Variants in ANGPT2 observed in about 807,000 individuals in gnomAD.
The protein encoded by ANGPT2 is angiopoietin-2.
Under a neutral mutation model 62.9 loss-of-function variants are expected in ANGPT2, and 28 were observed. The observed-to-expected ratio is 0.44, with a 90% CI of 0.33 to 0.61. ANGPT2 has a LOEUF of 0.61. Among genes scored for constraint, ANGPT2 ranks in the 20% least tolerant of loss-of-function variants. ANGPT2 has a pLI of 0.03. For missense variants in ANGPT2, 727 were observed against 594.9 expected (o/e 1.22, Z -2.31); for synonymous variants, 284 against 207.8 (o/e 1.37, Z -3.15).
chr8:6,559,390 C>T (rs903290934), intron 1 of ANGPT2, among the ~76,000 whole-genome samples: 1 of 152,092 alleles, frequency 6.6e-6, no homozygotes, highest in African/African-American at 2.4e-5. Context: ...TGCATTCATT[C>T]GTGAGTAGTA....
At chr8:6,510,659 A>T (rs1250082115) in intron 7 of ANGPT2, among the ~76,000 whole-genome samples, 3 of 152,190 alleles carry the variant, frequency 2.0e-5, no homozygotes, top group Non-Finnish European at 4.4e-5. Context: ...CTCTTAAGTC[A>T]TGGAGGTAGG....
intron 1 of ANGPT2, among the ~76,000 whole-genome samples, chr8:6,555,307 TC>T (rs1296282235): frequency 5.3e-5 from 8 of 152,214 alleles, no homozygotes; most frequent in African/African-American, 1.9e-4. Flanking sequence ...AGGCTGAATT[TC>T]GTCGTCCTGC....
In ANGPT2 at chr8:6,504,891, T is replaced by G. The variant is rs1269273025; in HGVS notation, c.1328-1630A>C. Among the ~76,000 whole-genome samples, 5 of 152,026 alleles carry G rather than the reference T, an allele frequency of 3.3e-5. No homozygotes were observed. The South Asian group carries it at 1.0e-3, about 32-fold the overall frequency. On this transcript the variant is annotated intron_variant, in intron 8 of 8. Transcript: ENST00000629816. ...GGCATTTGCTGGACATCTTGGAATG[T>G]TTCCCCTAAGGATAAGGGAGGACTG...
chr8:6,514,635 A>G (rs754098080), intron 6 of ANGPT2, 42 bp downstream of exon 6: 2 of 1,559,958 alleles, frequency 1.3e-6, no homozygotes, highest in South Asian at 2.2e-5. Context: ...GCTATTTTTC[A>G]CAAGGGAAAT....
chr8:6,556,837 TC>T (rs777986563), intron 1 of ANGPT2, among the ~76,000 whole-genome samples: 3 of 152,072 alleles, frequency 2.0e-5, no homozygotes, highest in Non-Finnish European at 4.4e-5. Context: ...TGTCTTCCCA[TC>T]TTGGCCTCTC....
rs570766514 is a variant in ANGPT2 at position 6,500,876 on chromosome 8, C to G, written c.*2225G>C. Reference sequence around the variant, plus strand: ...GATTTGTCCTTGAATTTTTTATCACCTGCCTACAAAGAGAATTGATATAAA... The same window carrying G: ...GATTTGTCCTTGAATTTTTTATCACGTGCCTACAAAGAGAATTGATATAAA... On this transcript the variant is annotated 3_prime_UTR_variant, in exon 9 of 9. Transcript: ENST00000629816. 4.6e-5 allele frequency: 7 copies of G among 152,278 alleles called. 1 individual carries two copies. Among genetic ancestry groups the G allele is most frequent in the Admixed American group, 1.3e-4 (2 of 15,294 alleles). 9.4% of individuals were successfully genotyped at this position (152,278 alleles called of 1,614,324 possible).
intron 7 of ANGPT2, among the ~76,000 whole-genome samples, chr8:6,513,433 C>A (rs2979669): frequency 6.6e-6 from 1 of 151,340 alleles, no homozygotes; most frequent in South Asian, 2.1e-4. Context: ...CCCGGGTTCA[C>A]GCCATTCTTC....
rs754417127 is a variant in ANGPT2, at chr8:6,532,418, G to T, written c.358C>A (p.Gln120Lys). The stretch of plus-strand genomic sequence containing the variant: ...CCTATTTCTATCATCACAGCCGTCT[G>T]GTTCTGTACTGCATTCTGCTGTATC... ...VEIQQNAVQN[Q>K]TAVMIEIGTN... The change falls in exon 2 of 9, where the codon CAG (glutamine) becomes AAG (lysine). Residue 120 changes from glutamine (Q) to lysine (K), a missense_variant. Coordinates refer to ENST00000629816, the MANE Select transcript of ANGPT2 (RefSeq NM_001118887.2). 2.5e-6 allele frequency: 4 copies of T among 1,613,886 alleles called. No individual in the cohort carries two copies. The highest frequency in any genetic ancestry group is 3.4e-6 in the Non-Finnish European group (4 of 1,179,990).
At chr8:6,522,836 C>T (rs1048486122) in intron 3 of ANGPT2, among the ~76,000 whole-genome samples, 1 of 151,948 alleles carries the variant, frequency 6.6e-6, no homozygotes, top group Non-Finnish European at 1.5e-5. Flanking sequence ...AAGTCACACA[C>T]AGCAGGTGGC....
chr8:6,555,994 C>A (rs568433446), intron 1 of ANGPT2, among the ~76,000 whole-genome samples: 5 of 152,296 alleles, frequency 3.3e-5, no homozygotes, highest in Non-Finnish European at 5.9e-5. Context: ...CAATCGGAAT[C>A]TGTCAAGTCT....
chr8:6,541,044 T>C (rs2922871), intron 1 of ANGPT2, among the ~76,000 whole-genome samples: 123,505 of 152,002 alleles, frequency 0.81, 50,346 homozygotes, highest in Middle Eastern at 0.85. Flanking sequence ...GAGGAGGCTC[T>C]CATGGGTGTC....
In ANGPT2 at chr8:6,509,066, T is replaced by TA. The variant is rs773106102; in HGVS notation, c.1197-5dup. The TA allele has an allele frequency of 9.9e-6, 16 of 1,612,668 alleles. No homozygotes were observed. Among genetic ancestry groups the TA allele is most frequent in the Non-Finnish European group, 1.3e-5 (15 of 1,179,206 alleles). ...TGTAAGTCCTTTAAGGTGAATCCTG[T>TA]AAGCGTGCAAAGAAAAAAAACACAT... On this transcript the variant is annotated splice_region_variant and splice_polypyrimidine_tract_variant and intron_variant, in intron 7 of 8. Coordinates refer to ENST00000629816, the MANE Select transcript of ANGPT2 (RefSeq NM_001118887.2).
At chr8:6,521,028 C>G in intron 4 of ANGPT2, 150 bp downstream of exon 4, 1 of 620,196 alleles carries the variant, frequency 1.6e-6, no homozygotes. Context: ...ATTTCCCCTT[C>G]TCTTCTTCCT....
chr8:6,532,574 T>TGAAAACAAAAACAAAAAAAAAAA (rs1819725571), intron 1 of ANGPT2, 87 bp from the exon 2 acceptor site: 1 of 538,224 alleles, frequency 1.9e-6, no homozygotes. Context: ...TCCCTATCTT[T>TGAAAACAAAAACAAAAAAAAAAA]AAAAAAAAAA....
chr8:6,520,480 C>T (rs777840358), intron 4 of ANGPT2, among the ~76,000 whole-genome samples: 14 of 152,278 alleles, frequency 9.2e-5, no homozygotes, highest in Non-Finnish European at 1.9e-4. Context: ...ACCGCATCCT[C>T]CTCCTCCCAG....
intron 1 of ANGPT2, among the ~76,000 whole-genome samples, chr8:6,557,792 G>C (rs1266022293): frequency 1.3e-5 from 2 of 151,920 alleles, no homozygotes; most frequent in African/African-American, 2.4e-5. Context: ...TGGAAATTGT[G>C]AACAGCTAAT....
intron 2 of ANGPT2, among the ~76,000 whole-genome samples, chr8:6,528,453 T>A (rs1818798487): frequency 6.6e-6 from 1 of 152,274 alleles, no homozygotes; most frequent in Admixed American, 6.5e-5. Flanking sequence ...AGATAATTTT[T>A]AGCCTGGGAT....
chr8:6,540,846 C>T (rs1728905140), intron 1 of ANGPT2, among the ~76,000 whole-genome samples: 1 of 152,178 alleles, frequency 6.6e-6, no homozygotes, highest in African/African-American at 2.4e-5. Flanking sequence ...GTGGTTCGCA[C>T]ACGTGGACTC....
chr8:6,524,595 C>T (rs990747203), intron 3 of ANGPT2, among the ~76,000 whole-genome samples: 3 of 152,170 alleles, frequency 2.0e-5, no homozygotes, highest in African/African-American at 7.2e-5. Context: ...TATTGAACAC[C>T]TACCATGTAC....
Sources: allele counts gnomAD v4.1 joint callset (sites outside exome capture counted in the v4.1 genomes callset), GRCh38; gene constraint gnomAD v4.1.1; transcripts MANE v1.5; gene names NCBI Gene and HGNC (gene_info 2026-07-23, HGNC 2026-07-21).